Variants in RHOU observed in about 807,000 individuals in gnomAD.
RHOU encodes the protein rho-related GTP-binding protein RhoU.
In RHOU, 8 loss-of-function variants were observed where a neutral mutation model predicts 12.6. The observed-to-expected ratio is 0.64, with a 90% CI of 0.37 to 1.15. The LOEUF (loss-of-function observed/expected upper bound fraction) is 1.15. Ranked by LOEUF, RHOU falls within the 50% of genes most tolerant of loss-of-function variation. The pLI, the probability that RHOU is intolerant of heterozygous loss-of-function variation, is 0.01. For synonymous variants in RHOU, 161 were observed against 147.4 expected (o/e 1.09, Z -0.67); for missense variants, 258 against 347.0 (o/e 0.74, Z 2.04).
the RHOU span, among the ~76,000 whole-genome samples, chr1:228,711,463 A>G: frequency 6.6e-6 from 1 of 152,154 alleles, no homozygotes; most frequent in Non-Finnish European, 1.5e-5. Context: ...AAACAGAGAT[A>G]TAGATCAATG....
the RHOU span, among the ~76,000 whole-genome samples, chr1:228,715,562 G>A: frequency 6.6e-6 from 1 of 152,104 alleles, no homozygotes; most frequent in Non-Finnish European, 1.5e-5. Context: ...TTTATGACCT[G>A]ACATATAATC....
chr1:228,716,747 C>CATATATATACGTATATATAT, the RHOU span, among the ~76,000 whole-genome samples: 5 of 151,354 alleles, frequency 3.3e-5, no homozygotes, highest in African/African-American at 7.3e-5. Context: ...TATACACACA[C>CATATATATACGTATATATAT]ATGTGTGTGT....
chr1:228,723,315 C>A, the RHOU span, among the ~76,000 whole-genome samples: 1 of 152,154 alleles, frequency 6.6e-6, no homozygotes, highest in Non-Finnish European at 1.5e-5. Context: ...AGAGGAGACC[C>A]CAAGTGGGGT....
upstream of RHOU, among the ~76,000 whole-genome samples, chr1:228,734,661 C>T (rs372843269): frequency 2.6e-5 from 4 of 152,268 alleles, no homozygotes; most frequent in African/African-American, 9.6e-5. Flanking sequence ...TCTCACACCA[C>T]GCTGTACACC....
chr1:228,723,597 C>T, the RHOU span, among the ~76,000 whole-genome samples: 6 of 152,332 alleles, frequency 3.9e-5, no homozygotes, highest in East Asian at 3.9e-4. Flanking sequence ...TAATGGCCTG[C>T]ATTTGCATAT....
intron 2 of RHOU, among the ~76,000 whole-genome samples, chr1:228,739,385 G>A (rs1273831381): frequency 6.6e-6 from 1 of 152,058 alleles, no homozygotes; most frequent in Non-Finnish European, 1.5e-5. Flanking sequence ...CCAAGATGGT[G>A]AAACCCCGTC....
the RHOU span, among the ~76,000 whole-genome samples, chr1:228,680,875 G>T: frequency 1.3e-5 from 2 of 152,092 alleles, no homozygotes; most frequent in African/African-American, 2.4e-5. Flanking sequence ...ATGTAATTTC[G>T]CCTAGCTATA....
chr1:228,653,655 C>T, the RHOU span, among the ~76,000 whole-genome samples: 10 of 152,078 alleles, frequency 6.6e-5, no homozygotes, highest in Non-Finnish European at 1.0e-4. Flanking sequence ...GGGGTTTCAC[C>T]ATTTTAGCCA....
At chr1:228,667,457 G>A in the RHOU span, among the ~76,000 whole-genome samples, 1 of 152,194 alleles carries the variant, frequency 6.6e-6, no homozygotes, top group African/African-American at 2.4e-5. Context: ...CAGAGGCATT[G>A]AATCTTAAAC....
the RHOU span, chr1:228,650,700 G>A: frequency 2.1e-5 from 10 of 482,650 alleles, no homozygotes; most frequent in Non-Finnish European, 4.0e-5. Flanking sequence ...ATCAGCCAGT[G>A]TGGAAAGCTA....
chr1:228,693,765 A>G, the RHOU span, among the ~76,000 whole-genome samples: 7 of 152,070 alleles, frequency 4.6e-5, no homozygotes, highest in African/African-American at 1.7e-4. Context: ...CGCTCCCGGC[A>G]CCTCATGTTA....
At chr1:228,681,589 C>T in the RHOU span, among the ~76,000 whole-genome samples, 4 of 151,906 alleles carry the variant, frequency 2.6e-5, no homozygotes, top group Non-Finnish European at 4.4e-5. Flanking sequence ...GACCATTTGC[C>T]CTTTTTTCGA....
upstream of RHOU, among the ~76,000 whole-genome samples, chr1:228,730,965 T>C (rs1482700751): frequency 6.6e-6 from 1 of 152,324 alleles, no homozygotes; most frequent in Admixed American, 6.5e-5. Context: ...TATCAAAAGA[T>C]ACAAAAGTGA....
At chr1:228,691,101 A>G in the RHOU span, among the ~76,000 whole-genome samples, 1 of 151,614 alleles carries the variant, frequency 6.6e-6, no homozygotes, top group African/African-American at 2.4e-5. Context: ...TTTTTTTTAA[A>G]TAGACTTTAT....
the RHOU span, among the ~76,000 whole-genome samples, chr1:228,691,535 C>T: frequency 6.6e-6 from 1 of 151,570 alleles, no homozygotes; most frequent in African/African-American, 2.4e-5. Flanking sequence ...TTCAGATTGG[C>T]TTCTTTCATG....
chr1:228,662,272 C>T, the RHOU span, among the ~76,000 whole-genome samples: 5 of 152,260 alleles, frequency 3.3e-5, no homozygotes, highest in African/African-American at 7.2e-5. Context: ...GACAGTGTGG[C>T]GATTCCTCAA....
At chr1:228,689,232 C>T in the RHOU span, among the ~76,000 whole-genome samples, 22 of 152,062 alleles carry the variant, frequency 1.4e-4, no homozygotes, top group Non-Finnish European at 7.4e-5. Context: ...ACCCAACCCT[C>T]GAAGAAGCCG....
the RHOU span, among the ~76,000 whole-genome samples, chr1:228,665,330 C>T: frequency 6.6e-6 from 1 of 152,178 alleles, no homozygotes; most frequent in Non-Finnish European, 1.5e-5. Flanking sequence ...TGAAGGTGAT[C>T]CTACCTTCCC....
chr1:228,704,756 T>C, the RHOU span, among the ~76,000 whole-genome samples: 710 of 152,050 alleles, frequency 4.7e-3, 7 homozygotes, highest in African/African-American at 0.016. Flanking sequence ...CTGTTTCTGG[T>C]CAGTCACTTA....
Sources: allele counts gnomAD v4.1 joint callset (sites outside exome capture counted in the v4.1 genomes callset), GRCh38; gene constraint gnomAD v4.1.1; transcripts MANE v1.5; gene names NCBI Gene and HGNC (gene_info 2026-07-23, HGNC 2026-07-21).